The following COL24A1 variants were observed in gnomAD, a reference collection of about 807,000 sequenced individuals.
COL24A1 encodes the protein collagen alpha-1(XXIV) chain.
COL24A1 carries 224 observed loss-of-function variants against 253.9 expected under a neutral mutation model. The observed-to-expected ratio is 0.88, with a 90% CI of 0.79 to 0.99. The LOEUF (loss-of-function observed/expected upper bound fraction) is 0.99. COL24A1 is among the 50% of genes least tolerant of loss of function. COL24A1 has a pLI of 0.00. For missense variants in COL24A1, 2,131 were observed against 2,068.5 expected (o/e 1.03, Z -0.59); for synonymous variants, 685 against 673.7 (o/e 1.02, Z -0.26).
intron 2 of COL24A1, among the ~76,000 whole-genome samples, chr1:86,134,082 G>C (rs1649797246): frequency 6.6e-6 from 1 of 152,080 alleles, no homozygotes; most frequent in Non-Finnish European, 1.5e-5. Context: ...TCTTGGGAGG[G>C]TGTATATTTT....
intron 24 of COL24A1, among the ~76,000 whole-genome samples, chr1:85,945,052 C>T: frequency 2.2e-5 from 2 of 91,332 alleles, no homozygotes; most frequent in African/African-American, 8.6e-5. Flanking sequence ...GAGTTTCCCT[C>T]TGTTGCCCAG....
intron 5 of COL24A1, 70 bp from the exon 6 acceptor site, chr1:86,092,390 A>G (rs1703565180): frequency 2.7e-6 from 3 of 1,095,872 alleles, no homozygotes; most frequent in Non-Finnish European, 2.8e-6. Context: ...ATCTTCAGGT[A>G]TTTATTACCA....
At chr1:86,135,868 T>C (rs1056769915) in intron 2 of COL24A1, among the ~76,000 whole-genome samples, 9 of 152,096 alleles carry the variant, frequency 5.9e-5, no homozygotes, top group Non-Finnish European at 1.0e-4. Context: ...TATTGTATAT[T>C]TCTACTTGTG....
Position 86,059,193 on chromosome 1 carries a change from T to C in COL24A1, c.1753-19A>G. 6.3e-7 allele frequency: 1 copy of C among 1,593,830 alleles called. No homozygotes were observed. On this transcript the variant is annotated intron_variant, in intron 8 of 59. Transcript: ENST00000370571. ...GAATTCCCTGAAATAATAAATAAAATGAACAGTATAGCAAAGCCAAAGGAA... is the reference window on the plus strand; with the variant it reads ...GAATTCCCTGAAATAATAAATAAAACGAACAGTATAGCAAAGCCAAAGGAA...
chr1:86,005,920 A>G (rs1306622409), intron 19 of COL24A1, among the ~76,000 whole-genome samples: 1 of 152,202 alleles, frequency 6.6e-6, no homozygotes, highest in Non-Finnish European at 1.5e-5. Context: ...GTATACCAAG[A>G]ACAAACTAAT....
chr1:86,024,367 C>A (rs1406913223), intron 14 of COL24A1, among the ~76,000 whole-genome samples: 22 of 151,992 alleles, frequency 1.4e-4, no homozygotes, highest in East Asian at 1.9e-4. Flanking sequence ...TAATAACTGG[C>A]AGATAATGGT....
At chr1:85,839,240 G>A (rs1676351648) in intron 42 of COL24A1, among the ~76,000 whole-genome samples, 1 of 151,706 alleles carries the variant, frequency 6.6e-6, no homozygotes, top group African/African-American at 2.4e-5. Flanking sequence ...ACAACAAAAT[G>A]TTTCAATTAG....
intron 20 of COL24A1, among the ~76,000 whole-genome samples, chr1:85,985,510 T>C (rs1693649439): frequency 6.6e-6 from 1 of 151,748 alleles, no homozygotes; most frequent in African/African-American, 2.4e-5. Context: ...AAGAGTGACA[T>C]GATGAGATCT....
In COL24A1 at chr1:85,945,002, G is replaced by GTTT. The variant is rs1165341082; in HGVS notation, c.2562+16244_2562+16246dup. Among the ~76,000 whole-genome samples the GTTT allele has an allele frequency of 9.3e-4, 33 of 35,356 alleles. 3 individuals carry two copies. Among genetic ancestry groups the GTTT allele is most frequent in the African/African-American group, 1.8e-3 (15 of 8,238 alleles). 23.2% of individuals were successfully genotyped at this position (35,356 alleles called of 152,430 possible). A position where few individuals can be genotyped will look rare whatever the true frequency, so the allele number is the denominator to read the frequency against. ...TTTTCTTAATCCAGTCTATCATTGT[G>GTTT]TTTTTTTTTTTTTTTTTTTTTTTTT... On this transcript the variant is annotated intron_variant, in intron 24 of 59. Coordinates refer to ENST00000370571, the MANE Select transcript of COL24A1 (RefSeq NM_152890.7).
At chr1:85,872,662 T>C (rs1165904061) in intron 35 of COL24A1, among the ~76,000 whole-genome samples, 1 of 152,104 alleles carries the variant, frequency 6.6e-6, no homozygotes, top group South Asian at 2.1e-4. Flanking sequence ...CGGATCCCTT[T>C]CTTACACCTT....
At chr1:85,836,433 T>C (rs997927454) in intron 43 of COL24A1, among the ~76,000 whole-genome samples, 1 of 152,230 alleles carries the variant, frequency 6.6e-6, no homozygotes, top group Non-Finnish European at 1.5e-5. Flanking sequence ...TTGGTGATAA[T>C]GCTAACCATC....
At chr1:85,890,054 G>A (rs1390339241) in intron 31 of COL24A1, among the ~76,000 whole-genome samples, 1 of 151,920 alleles carries the variant, frequency 6.6e-6, no homozygotes. Context: ...TGTCTTCAAG[G>A]TTCATCCCTG....
At chr1:85,855,709 C>A (rs998558340) in intron 37 of COL24A1, among the ~76,000 whole-genome samples, 1 of 152,150 alleles carries the variant, frequency 6.6e-6, no homozygotes, top group African/African-American at 2.4e-5. Context: ...ATGCTGGCCT[C>A]ATGCAATGAA....
chr1:85,731,698 A>T (rs950800362), intron 59 of COL24A1, among the ~76,000 whole-genome samples: 8 of 152,212 alleles, frequency 5.3e-5, no homozygotes, highest in Non-Finnish European at 8.8e-5. Flanking sequence ...GTGGCTTATA[A>T]ATCTAATTGA....
chr1:85,916,179 C>A (rs1234179339), intron 24 of COL24A1, among the ~76,000 whole-genome samples: 3 of 152,128 alleles, frequency 2.0e-5, no homozygotes, highest in African/African-American at 7.2e-5. Context: ...AAATATTGGA[C>A]AGAACTAAGT....
chr1:86,153,759 T>C (rs1387487521), intron 1 of COL24A1, among the ~76,000 whole-genome samples: 2 of 152,224 alleles, frequency 1.3e-5, no homozygotes, highest in Non-Finnish European at 2.9e-5. Context: ...ATCTAGGAAA[T>C]AGATCTTTAT....
intron 19 of COL24A1, among the ~76,000 whole-genome samples, chr1:86,010,901 G>T (rs1192304987): frequency 6.6e-6 from 1 of 152,078 alleles, no homozygotes; most frequent in South Asian, 2.1e-4. Context: ...ACATACATCT[G>T]CCCCTTAAAC....
chr1:86,040,072 A>G (rs12143304), intron 12 of COL24A1, among the ~76,000 whole-genome samples: 25,670 of 152,084 alleles, frequency 0.17, 2,457 homozygotes, highest in East Asian at 0.31. Flanking sequence ...TCCCAGATTC[A>G]AGTTCCGGCC....
chr1:85,970,142 G>T, intron 22 of COL24A1, 85 bp downstream of exon 22: 6 of 1,230,046 alleles, frequency 4.9e-6, no homozygotes, highest in South Asian at 1.6e-5. Context: ...TTACTATAAT[G>T]TAAAATGTTA....
Sources: allele counts gnomAD v4.1 joint callset (sites outside exome capture counted in the v4.1 genomes callset), GRCh38; gene constraint gnomAD v4.1.1; transcripts MANE v1.5; gene names NCBI Gene and HGNC (gene_info 2026-07-23, HGNC 2026-07-21).